ABR: variants seen among roughly 807,000 people sequenced by gnomAD.
ABR encodes the protein active breakpoint cluster region-related protein.
A neutral mutation model predicts 107.2 loss-of-function variants in ABR; 35 were observed. That is an observed-to-expected ratio of 0.33 (90% CI 0.25 to 0.43). The LOEUF (loss-of-function observed/expected upper bound fraction) is 0.43. Among genes scored for constraint, ABR ranks in the 20% least tolerant of loss-of-function variants. The pLI, the probability that ABR is intolerant of heterozygous loss-of-function variation, is 1.00. For synonymous variants in ABR, 498 were observed against 462.0 expected (o/e 1.08, Z -1.00); for missense variants, 815 against 1,115.2 (o/e 0.73, Z 3.83).
At chr17:1,069,036 T>C (rs979626985) in intron 9 of ABR, among the ~76,000 whole-genome samples, 3 of 152,168 alleles carry the variant, frequency 2.0e-5, no homozygotes, top group African/African-American at 7.2e-5. Context: ...AGGAGAATGC[T>C]TAAGTAGACG....
intron 18 of ABR, 70 bp downstream of exon 18, chr17:1,012,618 C>A: frequency 8.4e-7 from 1 of 1,192,854 alleles, no homozygotes; most frequent in African/African-American, 1.5e-5. Flanking sequence ...GCGGGGAGGG[C>A]TGGGGGGCCC....
chr17:1,046,907 C>T (rs1331341703), intron 16 of ABR, among the ~76,000 whole-genome samples: 2 of 152,212 alleles, frequency 1.3e-5, no homozygotes, highest in African/African-American at 4.8e-5. Context: ...GAAGCGGCCT[C>T]CAGGAGCACA....
chr17:1,113,053 G>GACCCAATCAGCAAGCATTTGTTAACGC (rs1238031443), intron 2 of ABR, among the ~76,000 whole-genome samples: 1 of 151,942 alleles, frequency 6.6e-6, no homozygotes, highest in African/African-American at 2.4e-5. Context: ...TTAGCCGCCT[G>GACCCAATCAGCAAGCATTTGTTAACGC]CTGTGCACCA....
intron 1 of ABR, among the ~76,000 whole-genome samples, chr17:1,140,340 T>C (rs1270430046): frequency 2.0e-5 from 3 of 152,028 alleles, no homozygotes. Context: ...CTCATGGCCA[T>C]CCCTGTCAGA....
At chr17:1,060,781 A>G (rs2033834864) in intron 10 of ABR, among the ~76,000 whole-genome samples, 1 of 152,052 alleles carries the variant, frequency 6.6e-6, no homozygotes, top group African/African-American at 2.4e-5. Flanking sequence ...TCATGAGGTC[A>G]GGAGTTTGAG....
At chr17:1,201,726 T>A (rs1416298147) in intron 1 of ABR, among the ~76,000 whole-genome samples, 1 of 151,692 alleles carries the variant, frequency 6.6e-6, no homozygotes, top group Non-Finnish European at 1.5e-5. Context: ...CCCAGGCTGG[T>A]GTGCAGTGGC....
chr17:1,224,474 C>G (rs2150767213), intron 1 of ABR, among the ~76,000 whole-genome samples: 1 of 152,228 alleles, frequency 6.6e-6, no homozygotes, highest in East Asian at 1.9e-4. Flanking sequence ...AACCCTGAGA[C>G]TAAGGCAAAG....
chr17:1,169,053 G>A (rs1317361681), intron 1 of ABR, among the ~76,000 whole-genome samples: 1 of 152,226 alleles, frequency 6.6e-6, no homozygotes, highest in Admixed American at 6.5e-5. Flanking sequence ...CACTCGCAAA[G>A]TAACTACCAA....
At chr17:1,020,106 C>T (rs1378100990) in intron 16 of ABR, among the ~76,000 whole-genome samples, 1 of 151,570 alleles carries the variant, frequency 6.6e-6, no homozygotes, top group Non-Finnish European at 1.5e-5. Context: ...TTTTTTGAGA[C>T]GGAGTCGCAC....
At chr17:1,177,350 C>T (rs1252552289) in intron 1 of ABR, among the ~76,000 whole-genome samples, 6 of 152,196 alleles carry the variant, frequency 3.9e-5, no homozygotes, top group South Asian at 2.1e-4. Context: ...CCTCACACTG[C>T]GGCCACATCA....
At chr17:1,191,133 G>A (rs2150692002), upstream of ABR, among the ~76,000 whole-genome samples, 2 of 152,252 alleles carry the variant, frequency 1.3e-5, no homozygotes, top group South Asian at 4.1e-4. Flanking sequence ...TCCTTTCCAT[G>A]TTCCCGTCAC....
At chr17:1,013,201 T>G in intron 16 of ABR, 37 bp from the exon 17 acceptor site, 1 of 1,603,234 alleles carries the variant, frequency 6.2e-7, no homozygotes, top group Non-Finnish European at 8.5e-7. Context: ...AGGTGCCAGC[T>G]CGGAGGCCAA....
chr17:1,158,429 A>T (rs1395344124), intron 1 of ABR, among the ~76,000 whole-genome samples: 1 of 150,982 alleles, frequency 6.6e-6, no homozygotes, highest in Non-Finnish European at 1.5e-5. Flanking sequence ...AAACCCAGAC[A>T]TTGTATGTGC....
intron 1 of ABR, among the ~76,000 whole-genome samples, chr17:1,142,739 G>A (rs941937763): frequency 3.3e-5 from 5 of 152,254 alleles, no homozygotes; most frequent in East Asian, 1.9e-4. Flanking sequence ...AAGACAAGAC[G>A]GACGGAAAGG....
chr17:1,225,175 A>G (rs1188643632), intron 1 of ABR, among the ~76,000 whole-genome samples: 1 of 110,350 alleles, frequency 9.1e-6, no homozygotes, highest in East Asian at 2.6e-4. Flanking sequence ...AAAAGAAAAG[A>G]AAGAAAGAAA....
intron 3 of ABR, among the ~76,000 whole-genome samples, chr17:1,094,820 T>G (rs1194022526): frequency 6.6e-6 from 1 of 151,904 alleles, no homozygotes; most frequent in East Asian, 1.9e-4. Flanking sequence ...ACATACCAGG[T>G]CCTTGGAGAG....
At chr17:1,104,944 G>T (rs959068264) in intron 2 of ABR, among the ~76,000 whole-genome samples, 1 of 150,870 alleles carries the variant, frequency 6.6e-6, no homozygotes, top group African/African-American at 2.4e-5. Context: ...TTAAAATTTT[G>T]CCATACTCAC....
chr17:1,078,959 G>GC lies in ABR; in HGVS notation c.700+370dup, dbSNP rs1232187078. 4.6e-6 allele frequency: 7 copies of GC among 1,511,716 alleles called. No individual in the cohort carries two copies. Among genetic ancestry groups the GC allele is most frequent in the Non-Finnish European group, 6.2e-6 (7 of 1,132,676 alleles). 93.6% of individuals were successfully genotyped at this position (1,511,716 alleles called of 1,614,324 possible). On this transcript the variant is annotated intron_variant, in intron 6 of 22. Transcript: ENST00000302538. This position sits in a 1 kb window ranked among gnomAD's most constrained non-coding sequence, Gnocchi z 7.5. ...ACTCAGCCACCTTGCTGATGCTGCC[G>GC]CACGGACTCCAGCATCGGGCAGCCG...
rs778113787 is a variant in ABR, at chr17:1,084,503, G to A, written c.532-876C>T. Among the ~76,000 whole-genome samples the A allele has an allele frequency of 1.3e-5, 2 of 152,174 alleles. No individual in the cohort carries two copies. The highest frequency in any genetic ancestry group is 2.1e-4 in the South Asian group (1 of 4,830). On this transcript the variant is annotated intron_variant, in intron 4 of 22. Coordinates refer to ENST00000302538, the MANE Select transcript of ABR (RefSeq NM_021962.5). The surrounding 1 kb of genome is among the most constrained non-coding windows in gnomAD (Gnocchi z 4.2). ...AAAGCCCCAGCCTCACTACACGTTT[G>A]CCTGTCACTCACACAGTCACAACCT...
Sources: allele counts gnomAD v4.1 joint callset (sites outside exome capture counted in the v4.1 genomes callset), GRCh38; gene constraint gnomAD v4.1.1; non-coding constraint Gnocchi (gnomAD v3.1); transcripts MANE v1.5; gene names NCBI Gene and HGNC (gene_info 2026-07-23, HGNC 2026-07-21).